Variants in MCF2L observed in about 807,000 individuals in gnomAD.
The protein encoded by MCF2L is MCF.2 cell line derived transforming sequence like, also known as guanine nucleotide exchange factor DBS.
MCF2L carries 97 observed loss-of-function variants against 153.4 expected under a neutral mutation model. The ratio of observed to expected loss-of-function variants is 0.63; its 90% CI spans 0.54 to 0.75. The LOEUF is 0.75. MCF2L is among the 30% of genes least tolerant of loss of function. The probability of loss-of-function intolerance (pLI) is 0.00; values close to 1 mark genes in which losing one functional copy is unlikely to be tolerated. For synonymous variants in MCF2L, 659 were observed against 632.2 expected (o/e 1.04, Z -0.64); for missense variants, 1,347 against 1,495.2 (o/e 0.90, Z 1.64).
At chr13:113,055,986 G>A (rs942777039) in intron 4 of MCF2L, among the ~76,000 whole-genome samples, 13 of 152,186 alleles carry the variant, frequency 8.5e-5, no homozygotes, top group Admixed American at 5.2e-4. Context: ...CATCCACTCC[G>A]CAGCAGACAC....
At chr13:112,968,956 CTAGTGACACAGGTGACA>C (rs2081950027), upstream of MCF2L, 2 of 461,778 alleles carry the variant, frequency 4.3e-6, no homozygotes, top group Non-Finnish European at 3.7e-6. Context: ...ACTAGGTGAC[CTAGTGACACAGGTGACA>C]CTTCCAGGTG....
At chr13:113,011,491 TGGTGGACAGGTGGTGTGGAC>T (rs2084100402) in intron 1 of MCF2L, among the ~76,000 whole-genome samples, 2 of 113,730 alleles carry the variant, frequency 1.8e-5, no homozygotes, top group Non-Finnish European at 3.6e-5. Context: ...GCGGTGTGGA[TGGTGGACAGGTGGTGTGGAC>T]GGTGGACAGG....
chr13:112,995,978 C>T (rs1034193960), intron 1 of MCF2L, among the ~76,000 whole-genome samples: 4 of 152,176 alleles, frequency 2.6e-5, no homozygotes, highest in Non-Finnish European at 1.5e-5. Context: ...GCCCTCACCC[C>T]ATGCCAGGCT....
At chr13:112,933,844 C>T (rs1287365796) in intron 2 of MCF2L, among the ~76,000 whole-genome samples, 2 of 152,224 alleles carry the variant, frequency 1.3e-5, no homozygotes, top group Non-Finnish European at 2.9e-5. Flanking sequence ...GCCGAGGATA[C>T]ATTTCTTAAC....
intron 23 of MCF2L, among the ~76,000 whole-genome samples, 185 bp downstream of exon 23, chr13:113,087,984 A>C (rs2034799661): frequency 1.3e-5 from 2 of 152,216 alleles, no homozygotes; most frequent in African/African-American, 4.8e-5. Context: ...GGAAAAGTAC[A>C]CATCAGACGG....
At chr13:112,955,176 G>A (rs1028594778) in intron 2 of MCF2L, among the ~76,000 whole-genome samples, 5 of 152,162 alleles carry the variant, frequency 3.3e-5, no homozygotes, top group African/African-American at 7.2e-5. Context: ...TGGGGACCCC[G>A]TCCCATTGCT....
intron 2 of MCF2L, among the ~76,000 whole-genome samples, chr13:113,020,022 C>T (rs1000368118): frequency 6.6e-6 from 1 of 152,198 alleles, no homozygotes; most frequent in East Asian, 1.9e-4. Context: ...GAGCCATAAA[C>T]GAGTGGTGTT....
intron 13 of MCF2L, 75 bp downstream of exon 13, chr13:113,077,286 T>G (rs1448891599): frequency 8.5e-6 from 12 of 1,418,628 alleles, no homozygotes; most frequent in Non-Finnish European, 1.0e-5. Flanking sequence ...GCTTGGTACA[T>G]CTGAGGCAGC....
intron 27 of MCF2L, chr13:113,095,711 G>T: frequency 1.0e-6 from 1 of 992,700 alleles, no homozygotes; most frequent in Non-Finnish European, 1.2e-6. Flanking sequence ...AGGCCCTGCA[G>T]CCGGCAGCAC....
chr13:112,974,396 C>T (rs918866182), intron 1 of MCF2L, among the ~76,000 whole-genome samples: 4 of 152,196 alleles, frequency 2.6e-5, no homozygotes, highest in Non-Finnish European at 4.4e-5. Flanking sequence ...ATGAAGCCCC[C>T]GGCGTGGCCA....
chr13:113,057,444 G>GTGTT (rs139721119), intron 4 of MCF2L, among the ~76,000 whole-genome samples: 6,055 of 143,184 alleles, frequency 0.042, 460 homozygotes, highest in African/African-American at 0.14. Flanking sequence ...TGGGCACTGA[G>GTGTT]TGGGTGCTGA....
intron 1 of MCF2L, among the ~76,000 whole-genome samples, chr13:113,005,314 C>T (rs1038963489): frequency 4.6e-5 from 7 of 152,164 alleles, no homozygotes; most frequent in African/African-American, 1.7e-4. Context: ...TCAGAGACGC[C>T]GACAAGCACG....
At chr13:112,897,977 C>T (rs1484414643) in intron 1 of MCF2L, among the ~76,000 whole-genome samples, 4 of 145,340 alleles carry the variant, frequency 2.8e-5, no homozygotes, top group East Asian at 3.9e-4. Flanking sequence ...GCCCGTCCAG[C>T]CCCAGCCCCG....
chr13:112,986,958 G>A (rs959436107), intron 1 of MCF2L, among the ~76,000 whole-genome samples: 2 of 152,350 alleles, frequency 1.3e-5, no homozygotes, highest in African/African-American at 2.4e-5. Flanking sequence ...ACAAGCTGGC[G>A]TCCTGCCCAA....
intron 1 of MCF2L, among the ~76,000 whole-genome samples, chr13:112,988,173 C>T (rs1390118349): frequency 6.6e-6 from 1 of 151,190 alleles, no homozygotes; most frequent in African/African-American, 2.4e-5. Context: ...ATGTACACAC[C>T]GTGTGTGGTG....
chr13:113,055,646 C>T (rs992757746), intron 4 of MCF2L, among the ~76,000 whole-genome samples: 32 of 152,174 alleles, frequency 2.1e-4, no homozygotes, highest in African/African-American at 4.1e-4. Context: ...TGCCCTGGGG[C>T]GTCCCACTCT....
At chr13:113,095,075 T>C in intron 27 of MCF2L, 1 of 1,367,494 alleles carries the variant, frequency 7.3e-7, no homozygotes, top group Non-Finnish European at 9.8e-7. Context: ...CACTGAGCCT[T>C]CCTAACTATA....
In MCF2L at chr13:113,076,048, C is replaced by T; in HGVS notation, c.1391C>T (p.Ala464Val). 3 of 1,614,052 alleles carry T rather than the reference C, an allele frequency of 1.9e-6. No individual in the cohort carries two copies. The highest frequency in any genetic ancestry group is 1.3e-5 in the African/African-American group (1 of 75,072). ...TGCCAGTCCCAGGACGGCGCGGAGG[C>T]TGCCCTCCAGGAAATCGAGAAGTTT... Reference protein sequence around the residue: ...DKCQSQDGAEAALQEIEKFLE... With the variant: ...DKCQSQDGAEVALQEIEKFLE... The change falls in exon 12 of 30, where the codon GCT (alanine) becomes GTT (valine). Residue 464 changes from alanine to valine, a missense_variant. Ala to Val is a moderately conservative substitution (Grantham distance 64). Around this residue, in one of 3 missense-constraint regions of MCF2L, gnomAD observed 820 missense variants for 921.2 expected, o/e 0.89. Coordinates refer to ENST00000535094, the MANE Select transcript of MCF2L (RefSeq NM_001112732.3).
intron 4 of MCF2L, among the ~76,000 whole-genome samples, chr13:113,048,898 A>G (rs1355171294): frequency 6.6e-6 from 1 of 152,192 alleles, no homozygotes; most frequent in Non-Finnish European, 1.5e-5. Context: ...CAATGGGGTC[A>G]CAGGCAGGGG....
Sources: allele counts gnomAD v4.1 joint callset (sites outside exome capture counted in the v4.1 genomes callset), GRCh38; gene constraint gnomAD v4.1.1; regional missense constraint gnomAD v4.1.1; transcripts MANE v1.5; gene names NCBI Gene and HGNC (gene_info 2026-07-23, HGNC 2026-07-21).